Variants in MAP4K4 observed in about 807,000 individuals in gnomAD.
MAP4K4 encodes the protein mitogen-activated protein kinase kinase kinase kinase 4.
MAP4K4 carries 38 observed loss-of-function variants against 189.6 expected under a neutral mutation model. The observed-to-expected ratio is 0.20, with a 90% CI of 0.15 to 0.26. The LOEUF is 0.26. Ranked by LOEUF, MAP4K4 falls within the 10% of genes least tolerant of loss-of-function variation. The pLI, the probability that MAP4K4 is intolerant of heterozygous loss-of-function variation, is 1.00. For synonymous variants in MAP4K4, 610 were observed against 624.3 expected (o/e 0.98, Z 0.34); for missense variants, 1,054 against 1,726.9 (o/e 0.61, Z 6.91).
intron 3 of MAP4K4, among the ~76,000 whole-genome samples, chr2:101,801,013 G>GTTTT (rs1241227580): frequency 7.3e-6 from 1 of 137,368 alleles, no homozygotes; most frequent in Non-Finnish European, 1.6e-5. Context: ...AACAAATTTT[G>GTTTT]TATAATCTAA....
At position 101,871,525 on chromosome 2, in the gene MAP4K4, A is replaced by G. The variant is rs772934965; in HGVS notation, c.2792A>G (p.His931Arg). The stretch of plus-strand genomic sequence containing the variant: ...GTTGACCAAAAGCGTGCCAGCCATC[A>G]TGAGAGCAATGGCTTTGCCGGTCGC... The change falls in exon 24 of 33, where the codon CAT becomes CGT. Residue 931 changes from histidine (H) to arginine (R), a missense_variant. Around this residue, in one of 4 missense-constraint regions of MAP4K4, gnomAD observed 646 missense variants for 796.2 expected, o/e 0.81. Coordinates refer to ENST00000324219, the Ensembl canonical transcript of MAP4K4. 5 of 1,536,030 alleles carry G rather than the reference A, an allele frequency of 3.3e-6. No individual in the cohort carries two copies. The highest frequency in any genetic ancestry group is 4.4e-6 in the Non-Finnish European group (5 of 1,146,794).
chr2:101,737,651 T>A lies in MAP4K4; in HGVS notation c.123+39113T>A, dbSNP rs559968834. 4.6e-5 allele frequency among the ~76,000 whole-genome samples: 7 copies of A among 151,548 alleles called. No homozygotes were observed. In the South Asian group the frequency reaches 1.5e-3, roughly 32 times the overall value. On this transcript the variant is annotated intron_variant, in intron 2 of 32. Transcript: ENST00000324219. Reference sequence around the variant, plus strand: ...AATGCACACATTCAAGATAATCTGTTCCCTTTCCATTCTCTGCCACTCCTT... The same window carrying A: ...AATGCACACATTCAAGATAATCTGTACCCTTTCCATTCTCTGCCACTCCTT...
At chr2:101,839,924 A>G in exon 10 of MAP4K4, 1 of 1,613,974 alleles carries the variant, frequency 6.2e-7, no homozygotes, top group Non-Finnish European at 8.5e-7. Flanking sequence ...GGGATCAGCC[A>G]AATGAAAGGC....
At chr2:101,741,737 T>C (rs2062929155) in intron 2 of MAP4K4, among the ~76,000 whole-genome samples, 1 of 152,242 alleles carries the variant, frequency 6.6e-6, no homozygotes, top group African/African-American at 2.4e-5. Context: ...TTTTAAAACA[T>C]AGGCTTTGGG....
At chr2:101,724,216 A>G (rs1186117002) in intron 2 of MAP4K4, among the ~76,000 whole-genome samples, 1 of 152,188 alleles carries the variant, frequency 6.6e-6, no homozygotes, top group Non-Finnish European at 1.5e-5. Context: ...TGTCCTGTGC[A>G]CTTGCTTGCC....
intron 12 of MAP4K4, 63 bp from the exon 13 acceptor site, chr2:101,855,914 C>A: frequency 6.7e-7 from 1 of 1,498,300 alleles, no homozygotes; most frequent in Admixed American, 2.2e-5. Context: ...GATCAGCACA[C>A]TATAACATCA....
At chr2:101,702,396 G>A (rs142189687) in intron 2 of MAP4K4, among the ~76,000 whole-genome samples, 10,228 of 151,826 alleles carry the variant, frequency 0.067, 436 homozygotes, top group African/African-American at 0.12. Flanking sequence ...GTGAAACCCC[G>A]TTTCTACTAA....
chr2:101,833,181 T>C (rs1184947768), intron 7 of MAP4K4, among the ~76,000 whole-genome samples: 1 of 152,260 alleles, frequency 6.6e-6, no homozygotes, highest in Non-Finnish European at 1.5e-5. Context: ...GTCTGAACTT[T>C]GTAATGTAAG....
At chr2:101,750,877 T>G (rs1360036153) in intron 2 of MAP4K4, among the ~76,000 whole-genome samples, 2 of 151,822 alleles carry the variant, frequency 1.3e-5, no homozygotes, top group African/African-American at 2.4e-5. Flanking sequence ...AGCAGGATGA[T>G]CTCACAGAGG....
chr2:101,784,628 C>T (rs2089704913), intron 2 of MAP4K4, among the ~76,000 whole-genome samples: 1 of 152,124 alleles, frequency 6.6e-6, no homozygotes, highest in Non-Finnish European at 1.5e-5. Context: ...GTACACATGC[C>T]TTCATGTTCC....
Position 101,874,073 on chromosome 2 carries a change from G to A in MAP4K4, c.3071-9G>A. ...TACAGAAAATAATTTCAAATATATT[G>A]TGTTTCAGTGGGATTTTCCTGTGAT... On this transcript the variant is annotated splice_polypyrimidine_tract_variant and intron_variant, in intron 25 of 32. Transcript: ENST00000324219. The A allele has an allele frequency of 6.2e-7, 1 of 1,611,274 alleles. No individual in the cohort carries two copies. The highest frequency in any genetic ancestry group is 8.5e-7 in the Non-Finnish European group (1 of 1,178,506).
Position 101,807,879 on chromosome 2 carries a change from C to T in MAP4K4, c.181-16049C>T, listed in dbSNP as rs146064990. On this transcript the variant is annotated intron_variant, in intron 3 of 32. Transcript: ENST00000324219. ...GATCTCATGAGAACTTCCTCACTGT[C>T]GCAAGGGCGGTATCAAGAGAGGTGG... Among the ~76,000 whole-genome samples the T allele has an allele frequency of 1.6e-3, 250 of 152,322 alleles. 1 individual carries two copies. The highest frequency in any genetic ancestry group is 5.3e-3 in the African/African-American group (221 of 41,562).
Position 101,797,889 on chromosome 2 carries a change from G to GT in MAP4K4, c.180+7134dup, listed in dbSNP as rs58201235. 1.4e-3 allele frequency among the ~76,000 whole-genome samples: 74 copies of GT among 52,314 alleles called. 3 individuals carry two copies. The highest frequency in any genetic ancestry group is 2.3e-3 in the East Asian group (3 of 1,330). 34.3% of individuals were successfully genotyped at this position (52,314 alleles called of 152,430 possible). A position where few individuals can be genotyped will look rare whatever the true frequency, so the allele number is the denominator to read the frequency against. On this transcript the variant is annotated intron_variant, in intron 3 of 32. Coordinates refer to ENST00000324219, the Ensembl canonical transcript of MAP4K4. ...TGAAGCTTTTTAAAACATTCTTTTAGTTTTTTTTTTTTTTTTTTTTTGGAG... is the reference window on the plus strand; with the variant it reads ...TGAAGCTTTTTAAAACATTCTTTTAGTTTTTTTTTTTTTTTTTTTTTTGGAG...
intron 2 of MAP4K4, among the ~76,000 whole-genome samples, chr2:101,765,125 A>G (rs1425244307): frequency 6.6e-6 from 1 of 152,174 alleles, no homozygotes; most frequent in African/African-American, 2.4e-5. Flanking sequence ...CCATAAGGCA[A>G]CTGGCCAGTT....
intron 26 of MAP4K4, 98 bp from the exon 27 acceptor site, chr2:101,876,905 A>G (rs2150127638): frequency 8.0e-7 from 1 of 1,247,190 alleles, no homozygotes; most frequent in Non-Finnish European, 1.1e-6. Context: ...TAAGGAAGCT[A>G]CACTTTTTTC....
intron 27 of MAP4K4, among the ~76,000 whole-genome samples, chr2:101,880,642 G>T (rs6740281): frequency 6.6e-6 from 1 of 151,806 alleles, no homozygotes; most frequent in Non-Finnish European, 1.5e-5. Flanking sequence ...CCGAGTAGCT[G>T]GGATTATAGG....
chr2:101,749,909 A>C (rs1279324428), intron 2 of MAP4K4, among the ~76,000 whole-genome samples: 1 of 108,824 alleles, frequency 9.2e-6, no homozygotes, highest in East Asian at 2.5e-4. Context: ...CAAATGAAAA[A>C]TGCTCATCAT....
intron 12 of MAP4K4, among the ~76,000 whole-genome samples, chr2:101,848,783 G>A (rs73943798): frequency 0.014 from 2,140 of 152,188 alleles, 52 homozygotes; most frequent in African/African-American, 0.049. Context: ...GCCCTCCTTT[G>A]CTTCTCTGCC....
intron 3 of MAP4K4, among the ~76,000 whole-genome samples, chr2:101,793,168 A>ATG (rs1431761362): frequency 1.3e-5 from 2 of 152,218 alleles, no homozygotes; most frequent in Non-Finnish European, 2.9e-5. Context: ...TGCAAAACCC[A>ATG]TGTATTCAGG....
Sources: gnomAD v4.1 joint callset for allele counts (sites outside exome capture counted in the v4.1 genomes callset) on GRCh38, gnomAD v4.1.1 for gene constraint, gnomAD v4.1.1 regional missense constraint, MANE v1.5 for transcripts, NCBI Gene and HGNC (gene_info 2026-07-23, HGNC 2026-07-21) for gene names.